The following MRPL1 variants were observed in gnomAD, a reference collection of about 807,000 sequenced individuals.
MRPL1 encodes the protein mitochondrial ribosomal protein L1, also known as large ribosomal subunit protein uL1m.
A neutral mutation model predicts 38.0 loss-of-function variants in MRPL1; 28 were observed. That is an observed-to-expected ratio of 0.74 (90% CI 0.55 to 1.01). The LOEUF is 1.01. Ranked by LOEUF, MRPL1 falls within the 50% of genes least tolerant of loss-of-function variation. The probability of loss-of-function intolerance (pLI) is 0.00; values close to 1 mark genes in which losing one functional copy is unlikely to be tolerated. For synonymous variants in MRPL1, 123 were observed against 126.7 expected (o/e 0.97, Z 0.20); for missense variants, 358 against 389.8 (o/e 0.92, Z 0.69).
intron 7 of MRPL1, among the ~76,000 whole-genome samples, chr4:77,920,784 G>A (rs947008499): frequency 1.3e-5 from 2 of 151,872 alleles, no homozygotes; most frequent in African/African-American, 4.8e-5. Flanking sequence ...TTGAGACAGT[G>A]TCTTATTTAC....
intron 2 of MRPL1, among the ~76,000 whole-genome samples, chr4:77,881,339 C>T (rs1352410987): frequency 6.6e-6 from 1 of 151,998 alleles, no homozygotes; most frequent in African/African-American, 2.4e-5. Flanking sequence ...CTCTTTATTT[C>T]TGATCTTAGT....
intron 7 of MRPL1, among the ~76,000 whole-genome samples, chr4:77,949,344 C>CT (rs1737352650): frequency 6.6e-6 from 1 of 152,166 alleles, no homozygotes; most frequent in Admixed American, 6.5e-5. Flanking sequence ...CTGAAATTGT[C>CT]TCTGTGTGAG....
At chr4:77,937,185 C>T (rs909969360) in intron 7 of MRPL1, among the ~76,000 whole-genome samples, 1 of 152,154 alleles carries the variant, frequency 6.6e-6, no homozygotes, top group Middle Eastern at 3.4e-3. Context: ...TTTCTTCATT[C>T]TCTTTCAACT....
chr4:77,924,391 T>G (rs1407049898), intron 7 of MRPL1, among the ~76,000 whole-genome samples: 1 of 152,170 alleles, frequency 6.6e-6, no homozygotes. Context: ...CAAGAGCTTA[T>G]TTTTGGAGGA....
At chr4:77,887,949 T>C (rs138094398) in intron 5 of MRPL1, among the ~76,000 whole-genome samples, 105 of 152,296 alleles carry the variant, frequency 6.9e-4, no homozygotes, top group African/African-American at 2.5e-3. Flanking sequence ...TGGTTTTGAA[T>C]GTAAGGTTTA....
At chr4:77,868,629 C>G (rs1322548204) in intron 1 of MRPL1, among the ~76,000 whole-genome samples, 2 of 152,176 alleles carry the variant, frequency 1.3e-5, no homozygotes, top group African/African-American at 4.8e-5. Context: ...GAGACCTAAT[C>G]TATTCAGGGG....
intron 7 of MRPL1, among the ~76,000 whole-genome samples, chr4:77,921,313 A>G (rs776093997): frequency 3.9e-5 from 6 of 152,190 alleles, no homozygotes; most frequent in Non-Finnish European, 5.9e-5. Context: ...TAGTTAGGGT[A>G]TAGATAATAT....
rs559962474 is a variant in MRPL1 at position 77,921,007 on chromosome 4, C to T, written c.777+11635C>T. Among the ~76,000 whole-genome samples the T allele has an allele frequency of 7.9e-5, 12 of 152,262 alleles. No individual in the cohort carries two copies. In the East Asian group the frequency reaches 1.5e-3, roughly 20 times the overall value. On this transcript the variant is annotated intron_variant, in intron 7 of 8. Coordinates refer to ENST00000315567, the MANE Select transcript of MRPL1 (RefSeq NM_020236.4). ...CTCCTGGCTTCAAGTGATCTGCCCA[C>T]GGTCGCCTCCCAAAGTGTTAGGATT...
intron 7 of MRPL1, among the ~76,000 whole-genome samples, chr4:77,930,183 T>A (rs955792647): frequency 6.6e-6 from 1 of 152,156 alleles, no homozygotes; most frequent in African/African-American, 2.4e-5. Context: ...GGAGAAACCG[T>A]CCAGTTATAG....
chr4:77,887,144 T>G, intron 4 of MRPL1, 76 bp from the exon 5 acceptor site: 1 of 1,161,972 alleles, frequency 8.6e-7, no homozygotes, highest in East Asian at 2.5e-5. Context: ...TGATATTATT[T>G]CTGACAACAT....
intron 7 of MRPL1, among the ~76,000 whole-genome samples, chr4:77,949,490 G>A (rs375630150): frequency 1.8e-4 from 28 of 152,002 alleles, no homozygotes; most frequent in African/African-American, 3.9e-4. Context: ...TGGGGGGTGC[G>A]TGTAGGGAAT....
In MRPL1 at chr4:77,893,174, G is replaced by A. The variant is rs114705471; in HGVS notation, c.559-965G>A. ...GTAAAATATTTCTTGCTTGGGCAGT[G>A]GCACGATCTTGGCTTACTGCAACCT... On this transcript the variant is annotated intron_variant, in intron 5 of 8. Coordinates refer to ENST00000315567, the MANE Select transcript of MRPL1 (RefSeq NM_020236.4). Among the ~76,000 whole-genome samples, 574 of 152,294 alleles carry A rather than the reference G, an allele frequency of 3.8e-3. 6 individuals are homozygous for A. The highest frequency in any genetic ancestry group is 0.013 in the African/African-American group (524 of 41,550).
intron 4 of MRPL1, among the ~76,000 whole-genome samples, chr4:77,885,593 T>C (rs1339537392): frequency 1.3e-5 from 2 of 152,114 alleles, no homozygotes; most frequent in African/African-American, 4.8e-5. Context: ...TCTTGATCTC[T>C]TGACCTTGTG....
chr4:77,918,088 T>C, intron 7 of MRPL1, among the ~76,000 whole-genome samples: 1 of 150,688 alleles, frequency 6.6e-6, no homozygotes, highest in East Asian at 1.9e-4. Flanking sequence ...TTTATATATA[T>C]ACATGATATA....
At chr4:77,926,789 A>C (rs941078207) in intron 7 of MRPL1, among the ~76,000 whole-genome samples, 1 of 151,696 alleles carries the variant, frequency 6.6e-6, no homozygotes, top group Admixed American at 6.6e-5. Flanking sequence ...TTGTATTTTT[A>C]GTAGAGACGG....
At position 77,928,424 on chromosome 4, in the gene MRPL1, C is replaced by G. The variant is rs139575904; in HGVS notation, c.777+19052C>G. On this transcript the variant is annotated intron_variant, in intron 7 of 8. Coordinates refer to ENST00000315567, the MANE Select transcript of MRPL1 (RefSeq NM_020236.4). ...CAATAACTGGATAAAAGGAAGCAGC[C>G]CATTGGTTCATGGCTCACTGCCACT... 1.1e-3 allele frequency among the ~76,000 whole-genome samples: 169 copies of G among 152,284 alleles called. 1 individual carries two copies. The highest frequency in any genetic ancestry group is 3.7e-3 in the African/African-American group (154 of 41,558).
chr4:77,917,265 A>G (rs892126990), intron 7 of MRPL1, among the ~76,000 whole-genome samples: 2 of 152,076 alleles, frequency 1.3e-5, no homozygotes, highest in Non-Finnish European at 2.9e-5. Flanking sequence ...ACTCACCCCT[A>G]CCATCACCTG....
At chr4:77,922,174 A>G (rs1438530399) in intron 7 of MRPL1, among the ~76,000 whole-genome samples, 1 of 152,230 alleles carries the variant, frequency 6.6e-6, no homozygotes, top group Non-Finnish European at 1.5e-5. Flanking sequence ...AAGTGTATGT[A>G]AGTAGTAGAG....
chr4:77,900,391 A>G (rs1736005799), intron 6 of MRPL1, among the ~76,000 whole-genome samples: 2 of 152,188 alleles, frequency 1.3e-5, no homozygotes, highest in Admixed American at 1.3e-4. Context: ...AAAATGCAAT[A>G]AGTTTATTGG....
Sources: allele counts gnomAD v4.1 joint callset (sites outside exome capture counted in the v4.1 genomes callset), GRCh38; gene constraint gnomAD v4.1.1; transcripts MANE v1.5; gene names NCBI Gene and HGNC (gene_info 2026-07-23, HGNC 2026-07-21).